The following MARF1 variants were observed in gnomAD, a reference collection of about 807,000 sequenced individuals.
MARF1 encodes limkain-b1.
A neutral mutation model predicts 168.2 loss-of-function variants in MARF1; 24 were observed. That is an observed-to-expected ratio of 0.14 (90% CI 0.10 to 0.20). The LOEUF (loss-of-function observed/expected upper bound fraction) is 0.20. Among genes scored for constraint, MARF1 ranks in the 10% least tolerant of loss-of-function variants. MARF1 has a pLI of 1.00. For synonymous variants in MARF1, 868 were observed against 822.4 expected (o/e 1.06, Z -0.95); for missense variants, 1,744 against 2,143.6 (o/e 0.81, Z 3.68).
At chr16:15,634,100 C>T (rs1207029873) in intron 4 of MARF1, among the ~76,000 whole-genome samples, 1 of 151,956 alleles carries the variant, frequency 6.6e-6, no homozygotes, top group Non-Finnish European at 1.5e-5. Context: ...ACAATAAATC[C>T]ACCTCCAAGC....
chr16:15,626,620 G>A (rs2034863283), intron 7 of MARF1, among the ~76,000 whole-genome samples: 1 of 152,212 alleles, frequency 6.6e-6, no homozygotes, highest in Admixed American at 6.5e-5. Context: ...TTATTTGGCA[G>A]TGGGTAGTCA....
chr16:15,599,260 G>A, intron 25 of MARF1: 1 of 552,582 alleles, frequency 1.8e-6, no homozygotes, highest in Non-Finnish European at 3.2e-6. Context: ...GTGTTCTTAG[G>A]AACACTGGCC....
Position 15,621,982 on chromosome 16 carries a change from A to G in MARF1, c.2461-71T>C, listed in dbSNP as rs886132617. On this transcript the variant is annotated intron_variant, in intron 11 of 26. Coordinates refer to ENST00000396368, the MANE Select transcript of MARF1 (RefSeq NM_014647.4). Reference sequence around the variant, plus strand: ...CCTGTCGTCTTAAAACTGAAGGTGAACCATGAAGGAACACATTTGTCGACT... The same window carrying G: ...CCTGTCGTCTTAAAACTGAAGGTGAGCCATGAAGGAACACATTTGTCGACT... 4 of 1,415,564 alleles carry G rather than the reference A, an allele frequency of 2.8e-6. No homozygotes were observed. In the African/African-American group the frequency reaches 5.7e-5, roughly 20 times the overall value. The allele number at this position is 1,415,564 out of a possible 1,614,324, so 87.7% of individuals were successfully genotyped here.
chr16:15,633,951 T>C, intron 4 of MARF1, 108 bp from the exon 5 acceptor site: 2 of 908,556 alleles, frequency 2.2e-6, no homozygotes, highest in Non-Finnish European at 3.3e-6. Context: ...ACTAAATTAT[T>C]AATGAATGCC....
intron 19 of MARF1, chr16:15,610,565 G>GAA: frequency 6.5e-6 from 1 of 154,882 alleles, no homozygotes; most frequent in South Asian, 2.0e-4. Flanking sequence ...AAAGGCAAAA[G>GAA]AAAAAAAAAC....
In MARF1 at chr16:15,612,739, G is replaced by C; in HGVS notation, c.3292C>G (p.Pro1098Ala). 6.2e-7 allele frequency: 1 copy of C among 1,614,144 alleles called. No homozygotes were observed. Residue 1098 changes from proline (P) to alanine (A), a missense_variant, in exon 17 of 27, where the codon CCC becomes GCC. By Grantham distance (27) the Pro-to-Ala change is conservative. Coordinates refer to ENST00000396368, the MANE Select transcript of MARF1 (RefSeq NM_014647.4). ...LLRSKSPVGN[P>A]QLIQFSREVI... ...TCTCTACTGAACTGGATCAGCTGGGGGTTACCTACAGGACTCTTCGAACGC... is the reference window on the plus strand; with the variant it reads ...TCTCTACTGAACTGGATCAGCTGGGCGTTACCTACAGGACTCTTCGAACGC...
intron 13 of MARF1, among the ~76,000 whole-genome samples, chr16:15,618,291 TCA>T (rs1453041420): frequency 6.6e-6 from 1 of 152,112 alleles, no homozygotes; most frequent in East Asian, 1.9e-4. Context: ...CTACATATGC[TCA>T]GATTCCCATC....
In MARF1 at chr16:15,609,504, T is replaced by C. The variant is rs58075088; in HGVS notation, c.3954+19A>G. 0.081 allele frequency: 128,130 copies of C among 1,588,180 alleles called. 5,675 individuals carry two copies. The highest frequency in any genetic ancestry group is 0.14 in the African/African-American group (10,687 of 74,178). On this transcript the variant is annotated intron_variant, in intron 20 of 26. Coordinates refer to ENST00000396368, the MANE Select transcript of MARF1 (RefSeq NM_014647.4). The stretch of plus-strand genomic sequence containing the variant: ...TTGTTCAGAAAAATACTTTATAAAA[T>C]TAGAATTTCTTCACTCACTTGTAAA...
chr16:15,622,280 C>T (rs2034518037), intron 11 of MARF1, among the ~76,000 whole-genome samples: 1 of 151,948 alleles, frequency 6.6e-6, no homozygotes, highest in African/African-American at 2.4e-5. Flanking sequence ...AAAAATGAGT[C>T]AAATATAATA....
Position 15,612,592 on chromosome 16 carries a change from T to C in MARF1, c.3439A>G (p.Ile1147Val). The change falls in exon 17 of 27, where the codon ATT becomes GTT. Residue 1147 changes from isoleucine to valine, a missense_variant. Around this residue, in one of 7 missense-constraint regions of MARF1, gnomAD observed 543 missense variants for 742.1 expected, o/e 0.73. Transcript: ENST00000396368. ...RVSDYGYSKL[I>V]ELLEAVPHVL... The stretch of plus-strand genomic sequence containing the variant: ...TGAGGCACTGCTTCTAATAACTCAA[T>C]CAGCTTGGAGTATCCGTAGTCTGAC... 6.2e-7 allele frequency: 1 copy of C among 1,614,146 alleles called. No homozygotes were observed.
Position 15,617,000 on chromosome 16 carries a change from A to G in MARF1, c.3077+52T>C. On this transcript the variant is annotated intron_variant, in intron 15 of 26. Coordinates refer to ENST00000396368, the MANE Select transcript of MARF1 (RefSeq NM_014647.4). ...TGTGGGCAGAAAGGGCAGGCTTCCT[A>G]TAAAAAGCAGAACTAGGGCATTATA... is the stretch of plus-strand genomic sequence containing the variant. 1.9e-6 allele frequency: 3 copies of G among 1,576,782 alleles called. No homozygotes were observed. The South Asian group carries it at 3.5e-5, about 18-fold the overall frequency.
chr16:15,596,994 T>C (rs2031777264), intron 26 of MARF1, 57 bp from the exon 27 acceptor site: 4 of 1,513,936 alleles, frequency 2.6e-6, no homozygotes, highest in Non-Finnish European at 3.5e-6. Context: ...AAGTGTGGGT[T>C]TTCTCTTCCT....
intron 3 of MARF1, 28 bp from the exon 4 acceptor site, chr16:15,634,959 G>A (rs201685168): frequency 1.1e-5 from 18 of 1,603,266 alleles, no homozygotes; most frequent in Admixed American, 1.7e-5. Flanking sequence ...TAAAAAGGAG[G>A]AGGTGTCAGA....
chr16:15,638,720 T>C (rs2035759403), intron 2 of MARF1, among the ~76,000 whole-genome samples: 1 of 152,164 alleles, frequency 6.6e-6, no homozygotes, highest in African/African-American at 2.4e-5. Flanking sequence ...TCCCAACCCT[T>C]CCTAGATTAT....
Position 15,625,387 on chromosome 16 carries a change from A to C in MARF1, c.1938T>G (p.Asn646Lys). ...ANSGSATKNT[N>K]VKSLQELCRM... ...TCAAAATTACCTGTAAACTTTTAAC[A>C]TTTGTATTTTTTGTAGCAGATCCAG... The change falls in exon 8 of 27, where the codon AAT becomes AAG. Residue 646 changes from asparagine to lysine, a missense_variant. Coordinates refer to ENST00000396368, the MANE Select transcript of MARF1 (RefSeq NM_014647.4). The C allele has an allele frequency of 6.2e-7, 1 of 1,603,458 alleles. No homozygotes were observed. The highest frequency in any genetic ancestry group is 8.5e-7 in the Non-Finnish European group (1 of 1,175,782).
intron 1 of MARF1, among the ~76,000 whole-genome samples, chr16:15,640,854 T>C (rs2035902826): frequency 6.6e-6 from 1 of 152,224 alleles, no homozygotes; most frequent in South Asian, 2.1e-4. Context: ...AGAGACTGTA[T>C]GGCCCACAAA....
At chr16:15,641,908 G>A (rs893250351) in intron 1 of MARF1, among the ~76,000 whole-genome samples, 1 of 152,172 alleles carries the variant, frequency 6.6e-6, no homozygotes, top group Admixed American at 6.5e-5. Flanking sequence ...GGTTCTGTTT[G>A]ACTTGAGCGA....
chr16:15,600,574 G>C, intron 24 of MARF1, 21 bp from the exon 25 acceptor site: 1 of 1,614,212 alleles, frequency 6.2e-7, no homozygotes. Context: ...AAGAGCACCC[G>C]TCAGAGAGAA....
intron 16 of MARF1, among the ~76,000 whole-genome samples, chr16:15,614,939 C>T (rs904494624): frequency 6.6e-6 from 1 of 152,126 alleles, no homozygotes; most frequent in Non-Finnish European, 1.5e-5. Context: ...TGCCCACCAT[C>T]ATGCCTGATT....
Sources: allele counts gnomAD v4.1 joint callset (sites outside exome capture counted in the v4.1 genomes callset), GRCh38; gene constraint gnomAD v4.1.1; regional missense constraint gnomAD v4.1.1; transcripts MANE v1.5; gene names NCBI Gene and HGNC (gene_info 2026-07-23, HGNC 2026-07-21).